Variants in BLVRA observed in about 807,000 individuals in gnomAD.
BLVRA encodes biliverdin reductase A, also known as BVR A.
Under a neutral mutation model 32.8 loss-of-function variants are expected in BLVRA, and 22 were observed. That is an observed-to-expected ratio of 0.67 (90% CI 0.48 to 0.96). The LOEUF is 0.96. BLVRA is among the 40% of genes least tolerant of loss of function. BLVRA has a pLI of 0.00. For missense variants in BLVRA, 323 were observed against 358.1 expected (o/e 0.90, Z 0.79); for synonymous variants, 119 against 141.3 (o/e 0.84, Z 1.12).
intron 1 of BLVRA, among the ~76,000 whole-genome samples, chr7:43,764,037 G>A (rs1223402374): frequency 1.3e-5 from 2 of 152,280 alleles, no homozygotes; most frequent in South Asian, 2.1e-4. Flanking sequence ...AAAAAATCTC[G>A]ATCTGCTGAA....
intron 6 of BLVRA, 81 bp downstream of exon 6, chr7:43,800,653 CT>C: frequency 7.9e-7 from 1 of 1,267,380 alleles, no homozygotes; most frequent in Non-Finnish European, 1.1e-6. Context: ...GGGATGGGAG[CT>C]TATATTCATT....
At chr7:43,767,579 C>T in intron 1 of BLVRA, 1 of 990,228 alleles carries the variant, frequency 1.0e-6, no homozygotes, top group Admixed American at 1.7e-5. Context: ...ATGACAGTGA[C>T]ATGAAGGCAA....
At chr7:43,778,235 C>G (rs1295189678) in intron 2 of BLVRA, among the ~76,000 whole-genome samples, 1 of 152,166 alleles carries the variant, frequency 6.6e-6, no homozygotes, top group Non-Finnish European at 1.5e-5. Context: ...TTTAGAGTTT[C>G]CAGTTTTTCT....
At chr7:43,772,177 G>A (rs2095755349) in intron 2 of BLVRA, among the ~76,000 whole-genome samples, 1 of 152,200 alleles carries the variant, frequency 6.6e-6, no homozygotes, top group Non-Finnish European at 1.5e-5. Context: ...CTGCCTCAAG[G>A]ATCCAGGAGC....
In BLVRA at chr7:43,768,931, A is replaced by ATT. The variant is rs55853184; in HGVS notation, c.-21-2194_-21-2193dup. On this transcript the variant is annotated intron_variant, in intron 1 of 7. Transcript: ENST00000265523. ...TCAGTGTCTTAGTTATCCTTCTGAG[A>ATT]TTTTTTTTTTTTTTAAATGAGACAG... Among the ~76,000 whole-genome samples, 11 of 144,300 alleles carry ATT rather than the reference A, an allele frequency of 7.6e-5. 1 individual carries two copies. Among genetic ancestry groups the ATT allele is most frequent in the South Asian group, 2.2e-4 (1 of 4,504 alleles). 94.7% of individuals were successfully genotyped at this position (144,300 alleles called of 152,430 possible). A position where few individuals can be genotyped will look rare whatever the true frequency, so the allele number is the denominator to read the frequency against.
At chr7:43,806,862 C>T in intron 7 of BLVRA, 115 bp from the exon 8 acceptor site, 2 of 1,209,268 alleles carry the variant, frequency 1.7e-6, no homozygotes, top group Non-Finnish European at 2.4e-6. Context: ...CTGGTGGCTG[C>T]AAGGAGGATG....
At chr7:43,801,242 C>T (rs2095798343) in intron 6 of BLVRA, among the ~76,000 whole-genome samples, 1 of 152,182 alleles carries the variant, frequency 6.6e-6, no homozygotes, top group African/African-American at 2.4e-5. Context: ...AGTGATCCAC[C>T]TGTCTTGGCC....
chr7:43,794,521 G>C (rs954087077), intron 5 of BLVRA, among the ~76,000 whole-genome samples: 7 of 151,988 alleles, frequency 4.6e-5, no homozygotes, highest in Admixed American at 2.6e-4. Flanking sequence ...GATCATTTGA[G>C]GTCAGGAGTT....
chr7:43,784,598 CTTTTT>C (rs5883874), intron 2 of BLVRA, among the ~76,000 whole-genome samples: 47 of 85,258 alleles, frequency 5.5e-4, no homozygotes, highest in Non-Finnish European at 7.0e-4. Flanking sequence ...TCACTCATAT[CTTTTT>C]TTTTTTTTTT....
At chr7:43,782,636 G>C (rs1356387372) in intron 2 of BLVRA, among the ~76,000 whole-genome samples, 1 of 152,164 alleles carries the variant, frequency 6.6e-6, no homozygotes, top group Non-Finnish European at 1.5e-5. Context: ...CTGAGAATGA[G>C]GGACCCCCAT....
intron 3 of BLVRA, among the ~76,000 whole-genome samples, chr7:43,788,604 T>TTTA (rs1185685690): frequency 6.6e-6 from 1 of 151,942 alleles, no homozygotes; most frequent in Admixed American, 6.5e-5. Flanking sequence ...GAGCCTCACT[T>TTTA]TTATTATTAT....
chr7:43,759,609 G>A (rs2132537849), intron 1 of BLVRA, among the ~76,000 whole-genome samples: 1 of 152,274 alleles, frequency 6.6e-6, no homozygotes. Context: ...AACATAAATA[G>A]CTTACAATAG....
chr7:43,790,174 G>A (rs572510821), intron 3 of BLVRA, among the ~76,000 whole-genome samples: 1 of 152,036 alleles, frequency 6.6e-6, no homozygotes, highest in South Asian at 2.1e-4. Context: ...CCCCATGACT[G>A]CCACCCTTAG....
chr7:43,802,499 T>C (rs1224137410), intron 6 of BLVRA, among the ~76,000 whole-genome samples: 4 of 152,002 alleles, frequency 2.6e-5, no homozygotes, highest in African/African-American at 9.7e-5. Context: ...TTTATGTTTA[T>C]ATATATATAT....
chr7:43,758,887 T>TGCCCC (rs892577976), intron 1 of BLVRA, among the ~76,000 whole-genome samples, 153 bp downstream of exon 1: 14 of 151,398 alleles, frequency 9.2e-5, no homozygotes, highest in Admixed American at 3.3e-4. Flanking sequence ...GGGCGCCGCC[T>TGCCCC]GCCCCGCCCC....
chr7:43,769,255 C>G (rs1251311806), intron 1 of BLVRA, among the ~76,000 whole-genome samples: 1 of 152,142 alleles, frequency 6.6e-6, no homozygotes, highest in East Asian at 1.9e-4. Flanking sequence ...GTCTCGGACT[C>G]CTGGGCTCAA....
At position 43,805,433 on chromosome 7, in the gene BLVRA, C is replaced by A. The variant is rs2095803122; in HGVS notation, c.633-1544C>A. On this transcript the variant is annotated intron_variant, in intron 7 of 7. Transcript: ENST00000265523. The stretch of plus-strand genomic sequence containing the variant: ...GAGTAGCTGGGATTATAGGCGCCTG[C>A]CACCACGCCCGGCTCATTTTTGTAT... 2.0e-5 allele frequency among the ~76,000 whole-genome samples: 3 copies of A among 152,040 alleles called. No homozygotes were observed. In the South Asian group the frequency reaches 6.2e-4, roughly 32 times the overall value.
At chr7:43,784,422 A>G (rs1293876126) in intron 2 of BLVRA, among the ~76,000 whole-genome samples, 5 of 151,968 alleles carry the variant, frequency 3.3e-5, no homozygotes, top group Admixed American at 6.6e-5. Context: ...AGCTGCTACT[A>G]CAGAGTGGTC....
intron 2 of BLVRA, among the ~76,000 whole-genome samples, chr7:43,778,073 T>C (rs1352669424): frequency 1.3e-5 from 2 of 152,228 alleles, no homozygotes; most frequent in Non-Finnish European, 2.9e-5. Context: ...TTTAACTTCT[T>C]TGCCATTGGT....
Sources: gnomAD v4.1 joint callset for allele counts (sites outside exome capture counted in the v4.1 genomes callset) on GRCh38, gnomAD v4.1.1 for gene constraint, MANE v1.5 for transcripts, NCBI Gene and HGNC (gene_info 2026-07-23, HGNC 2026-07-21) for gene names.